KCNJ6: variants seen among roughly 807,000 people sequenced by gnomAD.
The protein encoded by KCNJ6 is G protein-activated inward rectifier potassium channel 2.
Under a neutral mutation model 34.2 loss-of-function variants are expected in KCNJ6, and 9 were observed. That is an observed-to-expected ratio of 0.26 (90% CI 0.16 to 0.46). KCNJ6 has a LOEUF of 0.46. KCNJ6 is among the 20% of genes least tolerant of loss of function. The probability of loss-of-function intolerance (pLI) is 1.00; values close to 1 mark genes in which losing one functional copy is unlikely to be tolerated. For synonymous variants in KCNJ6, 196 were observed against 207.1 expected, an observed-to-expected ratio of 0.95 and a Z score of 0.46; for missense variants, 236 against 531.3, an observed-to-expected ratio of 0.44 and a Z score of 5.46.
intron 2 of KCNJ6, among the ~76,000 whole-genome samples, chr21:37,819,074 CAA>C (rs1303301338): frequency 3.3e-5 from 5 of 152,104 alleles, no homozygotes; most frequent in Non-Finnish European, 7.4e-5. Flanking sequence ...AATAGTTTTC[CAA>C]ATTATTTGGT....
At chr21:37,682,797 G>C (rs1348049197) in intron 3 of KCNJ6, among the ~76,000 whole-genome samples, 3 of 152,176 alleles carry the variant, frequency 2.0e-5, no homozygotes, top group African/African-American at 7.2e-5. Context: ...TGTCCGCCCA[G>C]GGGTGTTCCT....
rs370382953 is a variant in KCNJ6 at position 37,893,064 on chromosome 21, C to G, written c.-28+22820G>C. ...AGAGACGGGGTTTCACCATGTTAGC[C>G]AGGATGGTCTCGATCTCCTAACCTT... On this transcript the variant is annotated intron_variant, in intron 1 of 3. Transcript: ENST00000609713. 1.6e-4 allele frequency among the ~76,000 whole-genome samples: 25 copies of G among 151,868 alleles called. 1 individual carries two copies. The highest frequency in any genetic ancestry group is 5.3e-4 in the African/African-American group (22 of 41,400).
chr21:37,630,591 G>A (rs556462614), intron 3 of KCNJ6, among the ~76,000 whole-genome samples: 3 of 152,252 alleles, frequency 2.0e-5, no homozygotes, highest in East Asian at 3.9e-4. Context: ...TGCATATGAA[G>A]GACCCTTAGC....
At chr21:37,710,584 T>C (rs1215736657) in intron 3 of KCNJ6, among the ~76,000 whole-genome samples, 6 of 152,174 alleles carry the variant, frequency 3.9e-5, no homozygotes, top group Non-Finnish European at 7.3e-5. Flanking sequence ...CCTGTCGCAG[T>C]TGTATAATCG....
chr21:37,707,032 T>C (rs2054723545), intron 3 of KCNJ6, among the ~76,000 whole-genome samples: 1 of 152,262 alleles, frequency 6.6e-6, no homozygotes, highest in African/African-American at 2.4e-5. Context: ...TTACTATCTA[T>C]AGGAATGCAA....
chr21:37,896,616 A>G (rs2055789608), intron 1 of KCNJ6, among the ~76,000 whole-genome samples: 1 of 152,174 alleles, frequency 6.6e-6, no homozygotes, highest in Admixed American at 6.5e-5. Flanking sequence ...CTGTGTTACC[A>G]CTAGGAGGGC....
intron 1 of KCNJ6, among the ~76,000 whole-genome samples, chr21:37,880,762 G>A (rs1210486178): frequency 6.6e-6 from 1 of 152,222 alleles, no homozygotes; most frequent in Admixed American, 6.5e-5. Flanking sequence ...CTTTCCAGGC[G>A]TGAAGCATAT....
chr21:37,911,247 T>G (rs2055865734), intron 1 of KCNJ6, among the ~76,000 whole-genome samples: 2 of 152,170 alleles, frequency 1.3e-5, no homozygotes, highest in East Asian at 3.9e-4. Context: ...TCAAAATGTA[T>G]TTTTATCCTA....
At chr21:37,809,899 G>T (rs1353451082) in intron 2 of KCNJ6, among the ~76,000 whole-genome samples, 1 of 152,214 alleles carries the variant, frequency 6.6e-6, no homozygotes, top group Non-Finnish European at 1.5e-5. Flanking sequence ...AGATGATAAA[G>T]CACAAAGTGG....
Position 37,896,414 on chromosome 21 carries a change from G to A in KCNJ6, c.-28+19470C>T, listed in dbSNP as rs148771765. ...GCCAGAAGCCACCTGTCTGGTCATC[G>A]TGCACACACCTGTTTCCACCTGAGA... On this transcript the variant is annotated intron_variant, in intron 1 of 3. Coordinates refer to ENST00000609713, the MANE Select transcript of KCNJ6 (RefSeq NM_002240.5). 8.5e-5 allele frequency among the ~76,000 whole-genome samples: 13 copies of A among 152,274 alleles called. No homozygotes were observed. The East Asian group carries it at 2.1e-3, about 25-fold the overall frequency.
intron 1 of KCNJ6, among the ~76,000 whole-genome samples, chr21:37,871,525 C>G (rs575291132): frequency 1.3e-5 from 2 of 152,330 alleles, no homozygotes; most frequent in South Asian, 4.1e-4. Flanking sequence ...GACAGGAGGA[C>G]AGAAATCTGG....
At position 37,760,036 on chromosome 21, in the gene KCNJ6, C is replaced by T. The variant is rs143600629; in HGVS notation, c.26-44905G>A. Among the ~76,000 whole-genome samples the T allele has an allele frequency of 2.5e-3, 385 of 152,310 alleles. 1 individual carries two copies. The highest frequency in any genetic ancestry group is 9.0e-3 in the African/African-American group (373 of 41,572). ...GAATGCCTCTCACCCACAGGCAGCA[C>T]CAACTCGCCAGCCACGGCTACGAGC... is the stretch of plus-strand genomic sequence containing the variant. On this transcript the variant is annotated intron_variant, in intron 2 of 3. Coordinates refer to ENST00000609713, the MANE Select transcript of KCNJ6 (RefSeq NM_002240.5).
rs1317253546 is a variant in KCNJ6, at chr21:37,617,552, T to C, written c.*7607A>G. 6.6e-6 allele frequency: 1 copy of C among 152,168 alleles called. No individual in the cohort carries two copies. The highest frequency in any genetic ancestry group is 2.4e-5 in the African/African-American group (1 of 41,420). The allele number at this position is 152,168 out of a possible 1,614,324, so 9.4% of individuals were successfully genotyped here. Reference sequence around the variant, plus strand: ...ATTTCTTAGCCAGGGTGGGATTCTATTGGTTGTGGGGTGGCTCAAACAAAC... The same window carrying C: ...ATTTCTTAGCCAGGGTGGGATTCTACTGGTTGTGGGGTGGCTCAAACAAAC... On this transcript the variant is annotated 3_prime_UTR_variant, in exon 4 of 4. Coordinates refer to ENST00000609713, the MANE Select transcript of KCNJ6 (RefSeq NM_002240.5).
intron 2 of KCNJ6, among the ~76,000 whole-genome samples, chr21:37,816,760 A>G (rs1018443100): frequency 6.6e-6 from 1 of 152,064 alleles, no homozygotes; most frequent in Admixed American, 6.5e-5. Flanking sequence ...TTGGGGTTAG[A>G]TGTGATTGTG....
chr21:37,774,318 T>C (rs1390227985), intron 2 of KCNJ6, among the ~76,000 whole-genome samples: 1 of 152,204 alleles, frequency 6.6e-6, no homozygotes, highest in Non-Finnish European at 1.5e-5. Flanking sequence ...TAATAGCAGC[T>C]TGTCCCTATG....
intron 2 of KCNJ6, among the ~76,000 whole-genome samples, chr21:37,750,870 A>C (rs2054992018): frequency 6.6e-6 from 1 of 152,156 alleles, no homozygotes; most frequent in African/African-American, 2.4e-5. Context: ...CCACAACTTA[A>C]AGTATAATAA....
At chr21:37,894,783 G>A (rs756055294) in intron 1 of KCNJ6, among the ~76,000 whole-genome samples, 7 of 152,126 alleles carry the variant, frequency 4.6e-5, no homozygotes, top group Non-Finnish European at 8.8e-5. Context: ...CTCTAGGTGA[G>A]GCAGTTTTAG....
chr21:37,905,326 CCCCA>C (rs1171175652), intron 1 of KCNJ6, among the ~76,000 whole-genome samples: 1 of 152,156 alleles, frequency 6.6e-6, no homozygotes, highest in Non-Finnish European at 1.5e-5. Flanking sequence ...TCCCACTTGC[CCCCA>C]ATCAAAGCAG....
At chr21:37,743,540 T>C (rs1457577031) in intron 2 of KCNJ6, among the ~76,000 whole-genome samples, 1 of 152,124 alleles carries the variant, frequency 6.6e-6, no homozygotes, top group Non-Finnish European at 1.5e-5. Context: ...ATGCTGCTAT[T>C]GAGAGAGTGG....
Sources: gnomAD v4.1 joint callset for allele counts (sites outside exome capture counted in the v4.1 genomes callset) on GRCh38, gnomAD v4.1.1 for gene constraint, MANE v1.5 for transcripts, NCBI Gene and HGNC (gene_info 2026-07-23, HGNC 2026-07-21) for gene names.